Variants in CFAP20DC observed in about 807,000 individuals in gnomAD.
CFAP20DC encodes the protein CFAP20 domain containing, also known as protein CFAP20DC.
Under a neutral mutation model 101.7 loss-of-function variants are expected in CFAP20DC, and 84 were observed. The ratio of observed to expected loss-of-function variants is 0.83; its 90% CI spans 0.69 to 0.99. The LOEUF (loss-of-function observed/expected upper bound fraction) is 0.99. CFAP20DC is among the 50% of genes least tolerant of loss of function. The probability of loss-of-function intolerance (pLI) is 0.00; values close to 1 mark genes in which losing one functional copy is unlikely to be tolerated. For synonymous variants in CFAP20DC, 359 were observed against 351.2 expected (o/e 1.02, Z -0.25); for missense variants, 1,007 against 970.3 (o/e 1.04, Z -0.50).
intron 5 of CFAP20DC, among the ~76,000 whole-genome samples, chr3:58,928,610 T>A (rs1488845832): frequency 6.6e-6 from 1 of 152,180 alleles, no homozygotes; most frequent in African/African-American, 2.4e-5. Context: ...GTTATATATG[T>A]AATAAAATAT....
chr3:58,807,308 G>A (rs1040664491), intron 14 of CFAP20DC, among the ~76,000 whole-genome samples: 1 of 152,296 alleles, frequency 6.6e-6, no homozygotes, highest in African/African-American at 2.4e-5. Context: ...CTAACTGGGA[G>A]GCACCCCCCA....
intron 4 of CFAP20DC, among the ~76,000 whole-genome samples, chr3:58,975,720 T>C (rs145605362): frequency 6.2e-4 from 94 of 152,330 alleles, no homozygotes; most frequent in African/African-American, 2.0e-3. Flanking sequence ...GCTTTTTCTA[T>C]AGCAATAGCC....
At chr3:59,027,027 A>G (rs2093905833) in intron 4 of CFAP20DC, among the ~76,000 whole-genome samples, 2 of 152,190 alleles carry the variant, frequency 1.3e-5, no homozygotes, top group Non-Finnish European at 2.9e-5. Flanking sequence ...AGTTAGCATT[A>G]CCATTTACTG....
chr3:58,977,325 C>A (rs2092320323), intron 4 of CFAP20DC, among the ~76,000 whole-genome samples: 1 of 152,104 alleles, frequency 6.6e-6, no homozygotes, highest in African/African-American at 2.4e-5. Flanking sequence ...TAAATGGAAC[C>A]AAAATAACCA....
At chr3:58,762,041 TGTCTATTAG>T (rs1425333384) in intron 15 of CFAP20DC, among the ~76,000 whole-genome samples, 1 of 152,204 alleles carries the variant, frequency 6.6e-6, no homozygotes, top group African/African-American at 2.4e-5. Context: ...GTTCTGTAGA[TGTCTATTAG>T]GTCTGCTTGG....
rs1186028704 is a variant in CFAP20DC at position 58,742,578 on chromosome 3, G to A, written c.2333-6C>T. ...CACACTGAGGTCTTCTTCACCTGTG[G>A]GGAAGGGGAACCACAGACACATTAG... On this transcript the variant is annotated splice_region_variant and splice_polypyrimidine_tract_variant and intron_variant, in intron 16 of 16. Transcript: ENST00000482387. 2 of 1,594,166 alleles carry A rather than the reference G, an allele frequency of 1.3e-6. No individual in the cohort carries two copies. The highest frequency in any genetic ancestry group is 4.6e-5 in the East Asian group (2 of 43,786).
At chr3:58,984,989 G>A (rs549913313) in intron 4 of CFAP20DC, among the ~76,000 whole-genome samples, 5 of 152,108 alleles carry the variant, frequency 3.3e-5, no homozygotes, top group African/African-American at 9.7e-5. Flanking sequence ...CAGCCTTGAC[G>A]TCCTGGGCTC....
chr3:58,848,212 G>T (rs1468941339), intron 13 of CFAP20DC, among the ~76,000 whole-genome samples: 1 of 150,376 alleles, frequency 6.6e-6, no homozygotes, highest in Non-Finnish European at 1.5e-5. Flanking sequence ...CATGATGAAT[G>T]TTCACAAAAT....
At chr3:58,798,086 T>C (rs2073391560) in intron 15 of CFAP20DC, among the ~76,000 whole-genome samples, 1 of 151,970 alleles carries the variant, frequency 6.6e-6, no homozygotes, top group African/African-American at 2.4e-5. Context: ...TAACACGACA[T>C]CTATTCTGCA....
At chr3:58,726,485 A>G (rs1232904904) in intron 3 of CFAP20DC, 1 of 155,582 alleles carries the variant, frequency 6.4e-6, no homozygotes, top group Non-Finnish European at 1.4e-5. Flanking sequence ...CTCACTGGAA[A>G]GTAAGAAACA....
chr3:58,940,434 C>T (rs574954377), intron 4 of CFAP20DC, among the ~76,000 whole-genome samples: 1 of 152,314 alleles, frequency 6.6e-6, no homozygotes, highest in South Asian at 2.1e-4. Context: ...TTTAGTTCGT[C>T]CCAAATTAGT....
intron 15 of CFAP20DC, among the ~76,000 whole-genome samples, chr3:58,761,577 A>G (rs1320271913): frequency 6.6e-6 from 1 of 152,168 alleles, no homozygotes; most frequent in East Asian, 1.9e-4. Flanking sequence ...GCCTTCTGCT[A>G]GCTTTTGAAT....
At chr3:59,030,713 G>T (rs2093974648) in intron 4 of CFAP20DC, among the ~76,000 whole-genome samples, 1 of 152,208 alleles carries the variant, frequency 6.6e-6, no homozygotes, top group South Asian at 2.1e-4. Context: ...TAAGAAAGAA[G>T]TCATCAGGTT....
intron 15 of CFAP20DC, among the ~76,000 whole-genome samples, chr3:58,777,066 A>T (rs529637842): frequency 5.3e-5 from 8 of 152,260 alleles, no homozygotes; most frequent in East Asian, 3.9e-4. Context: ...GATTAAAAAA[A>T]ATATAGCTAC....
intron 13 of CFAP20DC, among the ~76,000 whole-genome samples, chr3:58,835,337 G>C (rs1213471995): frequency 6.6e-6 from 1 of 152,168 alleles, no homozygotes; most frequent in Non-Finnish European, 1.5e-5. Context: ...CCTCACAGAA[G>C]TCTAAGGTGG....
chr3:58,912,074 G>A lies in CFAP20DC; in HGVS notation c.550+1634C>T, dbSNP rs2084212295. 6.6e-6 allele frequency among the ~76,000 whole-genome samples: 1 copy of A among 152,028 alleles called. No individual in the cohort carries two copies. The highest frequency in any genetic ancestry group is 2.1e-4 in the South Asian group (1 of 4,822). On this transcript the variant is annotated intron_variant, in intron 6 of 16. Transcript: ENST00000482387. This position sits in a 1 kb window ranked among gnomAD's most constrained non-coding sequence, Gnocchi z 4.4. ...TAAAATTTACAAACGTCTCTTGTCC[G>A]TTATTGTCTCCCCTCCCATATTCTT...
chr3:58,872,623 T>C (rs1463172561), intron 7 of CFAP20DC, among the ~76,000 whole-genome samples: 2 of 152,146 alleles, frequency 1.3e-5, no homozygotes, highest in African/African-American at 2.4e-5. Context: ...AACCATGTCA[T>C]TTTTCTTGAA....
At chr3:59,027,206 T>C (rs1302993313) in intron 4 of CFAP20DC, among the ~76,000 whole-genome samples, 1 of 152,234 alleles carries the variant, frequency 6.6e-6, no homozygotes, top group African/African-American at 2.4e-5. Context: ...TTCAGAATAC[T>C]GCTATGCAAG....
intron 12 of CFAP20DC, among the ~76,000 whole-genome samples, chr3:58,849,844 G>T (rs2078066186): frequency 6.6e-6 from 1 of 152,058 alleles, no homozygotes; most frequent in South Asian, 2.1e-4. Flanking sequence ...GCAGAGAAAT[G>T]GTACTCTATT....
Sources: allele counts gnomAD v4.1 joint callset (sites outside exome capture counted in the v4.1 genomes callset), GRCh38; gene constraint gnomAD v4.1.1; non-coding constraint Gnocchi (gnomAD v3.1); transcripts MANE v1.5; gene names NCBI Gene and HGNC (gene_info 2026-07-23, HGNC 2026-07-21).